The following TNFRSF9 variants were observed in gnomAD, a reference collection of about 807,000 sequenced individuals.
TNFRSF9 encodes the protein tumor necrosis factor receptor superfamily member 9.
A neutral mutation model predicts 28.8 loss-of-function variants in TNFRSF9; 16 were observed. The ratio of observed to expected loss-of-function variants is 0.55; its 90% confidence interval spans 0.38 to 0.84. The LOEUF (loss-of-function observed/expected upper bound fraction) is 0.84. Among genes scored for constraint, TNFRSF9 ranks in the 40% least tolerant of loss-of-function variants. The pLI is 0.00. For synonymous variants in TNFRSF9, 131 were observed against 117.0 expected (o/e 1.12, Z -0.77); for missense variants, 303 against 315.0 (o/e 0.96, Z 0.29).
chr1:7,921,884 T>C (rs1639565570), intron 7 of TNFRSF9: 1 of 152,174 alleles, frequency 6.6e-6, no homozygotes, highest in African/African-American at 2.4e-5. Flanking sequence ...ATATTAGCCA[T>C]ATCCCAATCA....
rs114913852 is a variant in TNFRSF9, at chr1:7,925,899, C to T, written c.680-4976G>A. On this transcript the variant is annotated intron_variant, in intron 7 of 7. Coordinates refer to ENST00000377507, the MANE Select transcript of TNFRSF9 (RefSeq NM_001561.6). ...TCACGTGCTTGCCCACCACTCTCCT[C>T]CTGCTGGGTGGCCTGGTTTCTAATG... is the stretch of plus-strand genomic sequence containing the variant. 3.8e-3 allele frequency among the ~76,000 whole-genome samples: 574 copies of T among 152,234 alleles called. 6 individuals are homozygous for T. The highest frequency in any genetic ancestry group is 0.013 in the African/African-American group (550 of 41,526).
chr1:7,937,280 C>T (rs1271593722), intron 5 of TNFRSF9, among the ~76,000 whole-genome samples: 1 of 152,158 alleles, frequency 6.6e-6, no homozygotes, highest in African/African-American at 2.4e-5. Flanking sequence ...CCTCCTGCCT[C>T]ATCAGCCTTC....
intron 5 of TNFRSF9, 24 bp downstream of exon 5, chr1:7,937,666 T>C (rs9657967): frequency 3.9e-4 from 619 of 1,602,436 alleles, no homozygotes; most frequent in African/African-American, 3.1e-3. Flanking sequence ...CTTTATTCCA[T>C]AAACTAAAGG....
At chr1:7,929,157 CCTTTTT>C (rs1639696621) in intron 7 of TNFRSF9, among the ~76,000 whole-genome samples, 1 of 65,460 alleles carries the variant, frequency 1.5e-5, no homozygotes, top group African/African-American at 3.9e-5. Context: ...TTTTCTTTTT[CCTTTTT>C]TTTTTTTTTT....
At chr1:7,927,287 G>A (rs1263448191) in intron 7 of TNFRSF9, among the ~76,000 whole-genome samples, 1 of 152,130 alleles carries the variant, frequency 6.6e-6, no homozygotes, top group Non-Finnish European at 1.5e-5. Context: ...TTCAAAGGAT[G>A]CAGTCTCACA....
In TNFRSF9 at chr1:7,917,695, A is replaced by G. The variant is rs979718315; in HGVS notation, c.*3140T>C. ...GAGAAAACAGTTATAAATTTAACCAAATCAAATGAAGAACTTTTTGCTTAT... is the reference window on the plus strand; with the variant it reads ...GAGAAAACAGTTATAAATTTAACCAGATCAAATGAAGAACTTTTTGCTTAT... On this transcript the variant is annotated 3_prime_UTR_variant, in exon 8 of 8. Transcript: ENST00000377507. 2.0e-5 allele frequency: 3 copies of G among 152,126 alleles called. No homozygotes were observed. Among genetic ancestry groups the G allele is most frequent in the African/African-American group, 4.8e-5 (2 of 41,432 alleles). 9.4% of individuals were successfully genotyped at this position (152,126 alleles called of 1,614,324 possible). A position where few individuals can be genotyped will look rare whatever the true frequency, so the allele number is the denominator to read the frequency against.
chr1:7,934,936 T>C (rs753377895), intron 6 of TNFRSF9, 77 bp downstream of exon 6: 3 of 1,567,840 alleles, frequency 1.9e-6, no homozygotes, highest in Non-Finnish European at 2.6e-6. Context: ...TGAGATATCA[T>C]GATATTGGGG....
chr1:7,937,808 G>GT, intron 4 of TNFRSF9, 52 bp from the exon 5 acceptor site: 1 of 1,511,392 alleles, frequency 6.6e-7, no homozygotes, highest in Non-Finnish European at 9.2e-7. Context: ...TCATCATTTT[G>GT]TAACTTTTCC....
rs935784641 is a variant in TNFRSF9 at position 7,919,912 on chromosome 1, T to C, written c.*923A>G. ...TGTTAAAAGTTAAGAATTTTTAGAA[T>C]GTAACCTGGCTTAAAAGGGAGCAGG... On this transcript the variant is annotated 3_prime_UTR_variant, in exon 8 of 8. Transcript: ENST00000377507. 5 of 152,346 alleles carry C rather than the reference T, an allele frequency of 3.3e-5. No homozygotes were observed. The highest frequency in any genetic ancestry group is 6.5e-5 in the Admixed American group (1 of 15,272). The allele number at this position is 152,346 out of a possible 1,614,324, so 9.4% of individuals were successfully genotyped here.
chr1:7,918,216 C>A lies in TNFRSF9; in HGVS notation c.*2619G>T, dbSNP rs574759901. On this transcript the variant is annotated 3_prime_UTR_variant, in exon 8 of 8. Transcript: ENST00000377507. Reference sequence around the variant, plus strand: ...GGCCAGGCTGATCTTGAACTCTTGACCTCAGATGATCCACCCACCTCAGCC... The same window carrying A: ...GGCCAGGCTGATCTTGAACTCTTGAACTCAGATGATCCACCCACCTCAGCC... 2 of 152,062 alleles carry A rather than the reference C, an allele frequency of 1.3e-5. No individual in the cohort carries two copies. The highest frequency in any genetic ancestry group is 2.9e-5 in the Non-Finnish European group (2 of 68,068). 9.4% of individuals were successfully genotyped at this position (152,062 alleles called of 1,614,324 possible). A position where few individuals can be genotyped will look rare whatever the true frequency, so the allele number is the denominator to read the frequency against.
intron 5 of TNFRSF9, 64 bp downstream of exon 5, chr1:7,937,626 C>T (rs890317665): frequency 4.3e-6 from 6 of 1,383,344 alleles, no homozygotes; most frequent in Non-Finnish European, 6.2e-6. Flanking sequence ...TGATAGCATT[C>T]CTTATCTTCC....
chr1:7,934,022 C>T (rs1021529842), intron 6 of TNFRSF9, among the ~76,000 whole-genome samples: 11 of 151,166 alleles, frequency 7.3e-5, no homozygotes, highest in Non-Finnish European at 1.5e-4. Flanking sequence ...GTCCACCCCC[C>T]CAAAAAAATA....
In TNFRSF9 at chr1:7,935,004, C is replaced by T. The variant is rs755373240; in HGVS notation, c.544+9G>A. On this transcript the variant is annotated intron_variant, in intron 6 of 7. Coordinates refer to ENST00000377507, the MANE Select transcript of TNFRSF9 (RefSeq NM_001561.6). ...TACGCACTTTGGCGTAAAGGCATAG[C>T]CCAGTTACCTGGCTCTCTCGCAGGG... The T allele has an allele frequency of 1.2e-6, 2 of 1,613,826 alleles. No homozygotes were observed. The highest frequency in any genetic ancestry group is 8.5e-7 in the Non-Finnish European group (1 of 1,179,904).
chr1:7,937,460 G>A (rs1407937329), intron 5 of TNFRSF9, among the ~76,000 whole-genome samples: 2 of 151,996 alleles, frequency 1.3e-5, no homozygotes, highest in African/African-American at 4.8e-5. Flanking sequence ...CACGTGCCCA[G>A]CCTCCACTGG....
intron 7 of TNFRSF9, among the ~76,000 whole-genome samples, chr1:7,922,279 T>C (rs541126513): frequency 7.8e-4 from 119 of 152,308 alleles, no homozygotes; most frequent in African/African-American, 2.7e-3. Flanking sequence ...GTTCCCAGGT[T>C]GAATTTCAAA....
intron 6 of TNFRSF9, 62 bp from the exon 7 acceptor site, chr1:7,933,358 T>C: frequency 6.5e-7 from 1 of 1,538,530 alleles, no homozygotes; most frequent in Non-Finnish European, 8.8e-7. Context: ...TACACCCATG[T>C]ATATATTTAC....
At chr1:7,935,328 C>T (rs1394064870) in intron 5 of TNFRSF9, among the ~76,000 whole-genome samples, 185 bp from the exon 6 acceptor site, 1 of 152,210 alleles carries the variant, frequency 6.6e-6, no homozygotes, top group Non-Finnish European at 1.5e-5. Flanking sequence ...CTGCAGCTTT[C>T]CATGGCTTCC....
At position 7,933,204 on chromosome 1, in the gene TNFRSF9, CAACAGAGAAACGGAGCGTGAGGAAG is replaced by C; in HGVS notation, c.612_636del (p.Phe204LeufsTer18). The C allele has an allele frequency of 6.2e-7, 1 of 1,613,882 alleles. No homozygotes were observed. On this transcript the variant is annotated frameshift_variant, in exon 7 of 8. Coordinates refer to ENST00000377507, the MANE Select transcript of TNFRSF9 (RefSeq NM_001561.6). LOFTEE classifies it low-confidence loss of function (END_TRUNC). ...AGGAGTTTCTTTCTGCCCCGTTTAA[CAACAGAGAAACGGAGCGTGAGGAAG>C]AACAGCAGGAAGAGCAACGCAGTCG...
chr1:7,940,080 T>C lies in TNFRSF9; in HGVS notation c.-84-2A>G. Reference sequence around the variant, plus strand: ...TTAGCTGGTCTCACAAATGTCACTCTGCAAAAGATAAACATTTCCAAGGAA... The same window carrying C: ...TTAGCTGGTCTCACAAATGTCACTCCGCAAAAGATAAACATTTCCAAGGAA... On this transcript the variant is annotated splice_acceptor_variant, in intron 1 of 7. Transcript: ENST00000377507. LOFTEE classifies it low-confidence loss of function (5UTR_SPLICE). The C allele has an allele frequency of 1.1e-6, 1 of 920,704 alleles. No individual in the cohort carries two copies. 57.0% of individuals were successfully genotyped at this position (920,704 alleles called of 1,614,324 possible).
Sources: allele counts gnomAD v4.1 joint callset (sites outside exome capture counted in the v4.1 genomes callset), GRCh38; gene constraint gnomAD v4.1.1; transcripts MANE v1.5; gene names NCBI Gene and HGNC (gene_info 2026-07-23, HGNC 2026-07-21).